The following ZNF536 variants were observed in gnomAD, a reference collection of about 807,000 sequenced individuals.
The protein encoded by ZNF536 is zinc finger protein 536.
A neutral mutation model predicts 84.5 loss-of-function variants in ZNF536; 13 were observed. That is an observed-to-expected ratio of 0.15 (90% CI 0.10 to 0.24). The LOEUF (loss-of-function observed/expected upper bound fraction) is 0.24. Ranked by LOEUF, ZNF536 falls within the 10% of genes least tolerant of loss-of-function variation. ZNF536 has a pLI of 1.00. For missense variants in ZNF536, 1,536 were observed against 1,747.5 expected (o/e 0.88, Z 2.16); for synonymous variants, 811 against 742.5 (o/e 1.09, Z -1.50).
intron 1 of ZNF536, among the ~76,000 whole-genome samples, chr19:30,383,735 CTTTCTT>C (rs2049143604): frequency 1.5e-4 from 1 of 6,800 alleles, no homozygotes; most frequent in African/African-American, 7.1e-4. Flanking sequence ...TTCTTTCTTT[CTTTCTT>C]TCTCTTTCTT....
intron 1 of ZNF536, among the ~76,000 whole-genome samples, chr19:30,699,872 G>A (rs2051824277): frequency 6.6e-6 from 1 of 152,162 alleles, no homozygotes; most frequent in South Asian, 2.1e-4. Flanking sequence ...CTGCAGGCCT[G>A]ACCCACTCAT....
chr19:30,448,570 T>A (rs1268101780), intron 2 of ZNF536, among the ~76,000 whole-genome samples: 1 of 152,230 alleles, frequency 6.6e-6, no homozygotes, highest in Non-Finnish European at 1.5e-5. Context: ...GTCGCAAAAC[T>A]TAATTTGCAT....
intron 1 of ZNF536, among the ~76,000 whole-genome samples, chr19:30,426,350 C>T (rs766762562): frequency 1.3e-5 from 2 of 152,164 alleles, no homozygotes; most frequent in Non-Finnish European, 2.9e-5. Context: ...ATCACATCAA[C>T]CTGATGTAAT....
chr19:30,395,322 T>C (rs1215503342), intron 1 of ZNF536, among the ~76,000 whole-genome samples: 1 of 152,180 alleles, frequency 6.6e-6, no homozygotes, highest in Non-Finnish European at 1.5e-5. Context: ...TGGCATTTTG[T>C]TGTTTTGTTT....
chr19:30,234,291 T>C (rs1268241768), intron 1 of ZNF536, among the ~76,000 whole-genome samples: 1 of 151,680 alleles, frequency 6.6e-6, no homozygotes, highest in Non-Finnish European at 1.5e-5. Flanking sequence ...TCCTGGGGAG[T>C]ATATTTCTGG....
chr19:30,650,581 T>A (rs2049664023), intron 1 of ZNF536, among the ~76,000 whole-genome samples: 1 of 146,300 alleles, frequency 6.8e-6, no homozygotes, highest in Non-Finnish European at 1.5e-5. Flanking sequence ...AAGGAGAGAT[T>A]TTTTTTCCTC....
intron 2 of ZNF536, among the ~76,000 whole-genome samples, chr19:30,481,214 T>C (rs1269246554): frequency 6.6e-6 from 1 of 152,212 alleles, no homozygotes; most frequent in Admixed American, 6.5e-5. Context: ...AATTAATCTA[T>C]TCACTTAACA....
At chr19:30,627,415 G>A (rs752838305) in intron 1 of ZNF536, among the ~76,000 whole-genome samples, 14 of 138,496 alleles carry the variant, frequency 1.0e-4, no homozygotes, top group Non-Finnish European at 2.0e-4. Context: ...AGGCTGCAGT[G>A]AGCCATGGTT....
chr19:30,257,068 G>T (rs1426760147), intron 1 of ZNF536, among the ~76,000 whole-genome samples: 1 of 152,132 alleles, frequency 6.6e-6, no homozygotes, highest in African/African-American at 2.4e-5. Context: ...TAGCTTATAT[G>T]TCTTCATTTA....
intron 1 of ZNF536, among the ~76,000 whole-genome samples, chr19:30,672,376 T>C (rs1012694676): frequency 1.1e-4 from 17 of 152,206 alleles, no homozygotes; most frequent in African/African-American, 3.9e-4. Flanking sequence ...TACATTAGAA[T>C]GCATGCGTTT....
intron 1 of ZNF536, among the ~76,000 whole-genome samples, chr19:30,268,468 G>C (rs570980264): frequency 1.3e-5 from 2 of 152,290 alleles, no homozygotes; most frequent in South Asian, 4.1e-4. Context: ...ATTCCCTCAA[G>C]ACAAGATGAC....
intron 2 of ZNF536, among the ~76,000 whole-genome samples, chr19:30,318,452 G>C (rs143783668): frequency 6.6e-6 from 1 of 152,258 alleles, no homozygotes; most frequent in Non-Finnish European, 1.5e-5. Flanking sequence ...AATTAGAGTA[G>C]TTTTAAATAT....
At chr19:30,403,715 G>T (rs894591601) in intron 1 of ZNF536, among the ~76,000 whole-genome samples, 2 of 152,156 alleles carry the variant, frequency 1.3e-5, no homozygotes, top group Non-Finnish European at 2.9e-5. Flanking sequence ...TGCTGCACTC[G>T]GCTGCAGTTT....
chr19:30,654,576 T>C (rs930662404), intron 1 of ZNF536, among the ~76,000 whole-genome samples: 11 of 152,186 alleles, frequency 7.2e-5, no homozygotes, highest in South Asian at 6.2e-4. Context: ...GGTTGAGTGA[T>C]GAAATAAAGG....
rs35137042 is a variant in ZNF536, at chr19:30,649,549, C to CTT, written c.170-61191_170-61190dup. On this transcript the variant is annotated intron_variant, in intron 1 of 1. Transcript: ENST00000592773. The stretch of plus-strand genomic sequence containing the variant: ...TGATATTTATTAAAGCAGCATTTTC[C>CTT]TTTTTTTTTTTTTTTTTTGCTATTG... Among the ~76,000 whole-genome samples, 13 of 123,864 alleles carry CTT rather than the reference C, an allele frequency of 1.0e-4. 1 individual carries two copies. The highest frequency in any genetic ancestry group is 3.0e-4 in the African/African-American group (10 of 32,978). The allele number at this position is 123,864 out of a possible 152,430, so 81.3% of individuals were successfully genotyped here. A position where few individuals can be genotyped will look rare whatever the true frequency, so the allele number is the denominator to read the frequency against.
At chr19:30,662,388 G>A (rs2050151736) in intron 1 of ZNF536, among the ~76,000 whole-genome samples, 3 of 152,074 alleles carry the variant, frequency 2.0e-5, no homozygotes, top group Non-Finnish European at 4.4e-5. Flanking sequence ...TGCACATTCC[G>A]ATCTCATTAT....
intron 2 of ZNF536, among the ~76,000 whole-genome samples, chr19:30,499,205 G>T (rs2054848143): frequency 6.6e-6 from 1 of 151,838 alleles, no homozygotes; most frequent in African/African-American, 2.4e-5. Flanking sequence ...AAAACATTAT[G>T]TTTCTATATA....
In ZNF536 at chr19:30,386,554, G is replaced by A. The variant is rs574040533; in HGVS notation, c.-3+13998G>A. Reference sequence around the variant, plus strand: ...CACAATGCCTGGCTATATTTTAAATGTTTGGTAGAGAGGGGGTCTCAGTAT... The same window carrying A: ...CACAATGCCTGGCTATATTTTAAATATTTGGTAGAGAGGGGGTCTCAGTAT... On this transcript the variant is annotated intron_variant, in intron 1 of 4. Transcript: ENST00000355537. 4.6e-5 allele frequency among the ~76,000 whole-genome samples: 7 copies of A among 152,298 alleles called. No homozygotes were observed. In the East Asian group the frequency reaches 5.8e-4, roughly 13 times the overall value.
chr19:30,266,686 A>G (rs2025530451), intron 1 of ZNF536, among the ~76,000 whole-genome samples: 1 of 152,220 alleles, frequency 6.6e-6, no homozygotes, highest in Non-Finnish European at 1.5e-5. Flanking sequence ...GCCACGAATT[A>G]TTTACGTAAA....
Sources: allele counts gnomAD v4.1 joint callset (sites outside exome capture counted in the v4.1 genomes callset), GRCh38; gene constraint gnomAD v4.1.1; transcripts MANE v1.5; gene names NCBI Gene and HGNC (gene_info 2026-07-23, HGNC 2026-07-21).